Variants in ADGRB3 observed in about 807,000 individuals in gnomAD.
The protein encoded by ADGRB3 is brain-specific angiogenesis inhibitor 3.
A neutral mutation model predicts 193.4 loss-of-function variants in ADGRB3; 37 were observed. The observed-to-expected ratio is 0.19, with a 90% confidence interval of 0.15 to 0.25. The LOEUF is 0.25. Ranked by LOEUF, ADGRB3 falls within the 10% of genes least tolerant of loss-of-function variation. The pLI, the probability that ADGRB3 is intolerant of heterozygous loss-of-function variation, is 1.00. For missense variants in ADGRB3, 1,637 were observed against 1,852.9 expected (o/e 0.88, Z 2.14); for synonymous variants, 690 against 644.2 (o/e 1.07, Z -1.08).
At chr6:69,293,118 G>A (rs1767726424) in intron 20 of ADGRB3, among the ~76,000 whole-genome samples, 2 of 152,126 alleles carry the variant, frequency 1.3e-5, no homozygotes, top group South Asian at 4.1e-4. Context: ...AGGGGGCAAG[G>A]GGACAAAAGA....
chr6:68,933,841 A>C (rs1023189261), intron 4 of ADGRB3, among the ~76,000 whole-genome samples: 9 of 152,188 alleles, frequency 5.9e-5, no homozygotes, highest in African/African-American at 1.9e-4. Context: ...CATCAATCAC[A>C]GGTCTTCTGA....
chr6:68,890,326 C>T (rs563700824), intron 3 of ADGRB3, among the ~76,000 whole-genome samples: 2 of 152,252 alleles, frequency 1.3e-5, no homozygotes, highest in South Asian at 4.1e-4. Flanking sequence ...GTTGCCCTAA[C>T]AAAATAGAAC....
chr6:69,334,552 C>T (rs1391009457), intron 24 of ADGRB3, among the ~76,000 whole-genome samples: 1 of 152,068 alleles, frequency 6.6e-6, no homozygotes, highest in Non-Finnish European at 1.5e-5. Flanking sequence ...TAGACTTGAA[C>T]GTAGTACAAG....
At chr6:69,104,343 A>G (rs1006540291) in intron 17 of ADGRB3, among the ~76,000 whole-genome samples, 2 of 151,492 alleles carry the variant, frequency 1.3e-5, no homozygotes, top group African/African-American at 4.8e-5. Context: ...AATTTCATCC[A>G]TGTCCCTACA....
chr6:68,807,180 C>G (rs1487131991), intron 3 of ADGRB3, among the ~76,000 whole-genome samples: 1 of 150,812 alleles, frequency 6.6e-6, no homozygotes, highest in Non-Finnish European at 1.5e-5. Context: ...TGAATATATT[C>G]CTTCTATATC....
chr6:68,836,272 C>A (rs579304), intron 3 of ADGRB3, among the ~76,000 whole-genome samples: 1 of 151,622 alleles, frequency 6.6e-6, no homozygotes, highest in Non-Finnish European at 1.5e-5. Context: ...AGGCAAGGGG[C>A]GCTGGTGTGG....
chr6:68,638,572 A>G (rs1582089800), intron 2 of ADGRB3, 89 bp from the exon 3 acceptor site: 1 of 1,312,906 alleles, frequency 7.6e-7, no homozygotes, highest in Non-Finnish European at 1.0e-6. Context: ...GAAATCTTGA[A>G]AACAGCTGGC....
chr6:69,378,530 A>G (rs562404825), intron 30 of ADGRB3, among the ~76,000 whole-genome samples: 1 of 152,188 alleles, frequency 6.6e-6, no homozygotes, highest in African/African-American at 2.4e-5. Flanking sequence ...GTGAGGATTA[A>G]GAAAGATAAT....
intron 20 of ADGRB3, among the ~76,000 whole-genome samples, chr6:69,313,816 A>G (rs903883144): frequency 6.6e-6 from 1 of 151,768 alleles, no homozygotes; most frequent in African/African-American, 2.4e-5. Context: ...TGAAATACAT[A>G]TACATTGTAG....
rs70987436 is a variant in ADGRB3, at chr6:68,829,091, C to CT, written c.758-101442dup. On this transcript the variant is annotated intron_variant, in intron 3 of 31. Transcript: ENST00000370598. ...TTTTTTTTAATAGCTGTTTAAGTAA[C>CT]TTTTTTTTTTTTTTTTTTTTTTTTT... 2.2e-3 allele frequency among the ~76,000 whole-genome samples: 208 copies of CT among 94,646 alleles called. 5 individuals are homozygous for CT. The highest frequency in any genetic ancestry group is 2.5e-3 in the African/African-American group (62 of 24,728). 62.1% of individuals were successfully genotyped at this position (94,646 alleles called of 152,430 possible).
In ADGRB3 at chr6:69,206,045, G is replaced by GTGTATATA. The variant is rs1327162820; in HGVS notation, c.2481-27244_2481-27243insGTATATAT. On this transcript the variant is annotated intron_variant, in intron 17 of 31. Coordinates refer to ENST00000370598, the MANE Select transcript of ADGRB3 (RefSeq NM_001704.3). ...AGAGAGAATAATATATATAATAATG[G>GTGTATATA]TATATATATATATATATATATATAT... 1.3e-3 allele frequency among the ~76,000 whole-genome samples: 128 copies of GTGTATATA among 99,928 alleles called. 1 individual carries two copies. Among genetic ancestry groups the GTGTATATA allele is most frequent in the African/African-American group, 3.3e-3 (86 of 26,096 alleles). 65.6% of individuals were successfully genotyped at this position (99,928 alleles called of 152,430 possible).
chr6:68,722,825 ATATT>A (rs1765607793), intron 3 of ADGRB3, among the ~76,000 whole-genome samples: 1 of 151,642 alleles, frequency 6.6e-6, no homozygotes, highest in African/African-American at 2.4e-5. Context: ...CATTTTGTCT[ATATT>A]TAATTATTAT....
At chr6:68,866,236 C>T (rs1765294936) in intron 3 of ADGRB3, among the ~76,000 whole-genome samples, 1 of 152,124 alleles carries the variant, frequency 6.6e-6, no homozygotes, top group Admixed American at 6.5e-5. Flanking sequence ...ATCATGGGGC[C>T]AGTTTCTCCC....
intron 17 of ADGRB3, among the ~76,000 whole-genome samples, chr6:69,146,429 T>TG (rs1329347036): frequency 6.6e-6 from 1 of 152,202 alleles, no homozygotes; most frequent in Admixed American, 6.5e-5. Flanking sequence ...CAGAGATGCC[T>TG]GGGTCCACAG....
intron 3 of ADGRB3, among the ~76,000 whole-genome samples, chr6:68,915,515 T>C (rs887787379): frequency 1.3e-5 from 2 of 152,212 alleles, no homozygotes; most frequent in Non-Finnish European, 2.9e-5. Flanking sequence ...AAGGGTACGC[T>C]GGATGATCTT....
chr6:69,000,625 T>TA (rs1769546833), intron 11 of ADGRB3, among the ~76,000 whole-genome samples: 1 of 152,050 alleles, frequency 6.6e-6, no homozygotes, highest in African/African-American at 2.4e-5. Flanking sequence ...CATGTGGCAA[T>TA]AAAAAGATCT....
intron 16 of ADGRB3, among the ~76,000 whole-genome samples, chr6:69,074,240 T>G (rs895561162): frequency 2.0e-5 from 3 of 152,202 alleles, no homozygotes; most frequent in Non-Finnish European, 4.4e-5. Flanking sequence ...GAGTTAGTCA[T>G]GTACCAATTA....
At chr6:69,007,691 TCTCACACACA>T (rs1190751406) in intron 11 of ADGRB3, among the ~76,000 whole-genome samples, 115 of 73,326 alleles carry the variant, frequency 1.6e-3, no homozygotes, top group Middle Eastern at 0.014. Flanking sequence ...TCTCTCTCTC[TCTCACACACA>T]CACACACACA....
intron 17 of ADGRB3, among the ~76,000 whole-genome samples, chr6:69,197,112 C>T (rs1306448058): frequency 6.6e-6 from 1 of 151,976 alleles, no homozygotes; most frequent in Non-Finnish European, 1.5e-5. Flanking sequence ...ATATTAATAT[C>T]ACAGTTTCCC....
Sources: allele counts gnomAD v4.1 joint callset (sites outside exome capture counted in the v4.1 genomes callset), GRCh38; gene constraint gnomAD v4.1.1; transcripts MANE v1.5; gene names NCBI Gene and HGNC (gene_info 2026-07-23, HGNC 2026-07-21).